Variants in PIK3CB observed in about 807,000 individuals in gnomAD.
PIK3CB encodes the protein phosphatidylinositol-4,5-bisphosphate 3-kinase catalytic subunit beta, also known as phosphatidylinositol 4,5-bisphosphate 3-kinase catalytic subunit beta isoform.
Under a neutral mutation model 136.8 loss-of-function variants are expected in PIK3CB, and 39 were observed. That is an observed-to-expected ratio of 0.29 (90% CI 0.22 to 0.37). The LOEUF is 0.37. Ranked by LOEUF, PIK3CB falls within the 10% of genes least tolerant of loss-of-function variation. The pLI, the probability that PIK3CB is intolerant of heterozygous loss-of-function variation, is 1.00. For synonymous variants in PIK3CB, 428 were observed against 436.6 expected (o/e 0.98, Z 0.25); for missense variants, 868 against 1,275.4 (o/e 0.68, Z 4.87).
chr3:138,689,672 T>C (rs1226792726), intron 15 of PIK3CB, among the ~76,000 whole-genome samples: 2 of 152,244 alleles, frequency 1.3e-5, no homozygotes, highest in East Asian at 3.8e-4. Flanking sequence ...ATTCTATAAT[T>C]AGTTAATACT....
chr3:138,673,181 G>A (rs2043572613), intron 19 of PIK3CB, among the ~76,000 whole-genome samples: 1 of 151,922 alleles, frequency 6.6e-6, no homozygotes, highest in African/African-American at 2.4e-5. Context: ...ATAAAGGAGA[G>A]AACAGGAAAG....
At chr3:138,825,356 C>A (rs1933736744) in intron 1 of PIK3CB, 1 of 536,216 alleles carries the variant, frequency 1.9e-6, no homozygotes, top group Non-Finnish European at 3.4e-6. Context: ...GTCAGCATGC[C>A]CTTCTGGCTT....
chr3:138,704,409 TAAGA>T, intron 12 of PIK3CB, 30 bp downstream of exon 12: 1 of 1,445,916 alleles, frequency 6.9e-7, no homozygotes, highest in Non-Finnish European at 9.7e-7. Context: ...CACAACTCCA[TAAGA>T]AAGGGCCATT....
intron 2 of PIK3CB, among the ~76,000 whole-genome samples, chr3:138,783,310 C>A (rs1294949123): frequency 6.6e-6 from 1 of 150,860 alleles, no homozygotes; most frequent in East Asian, 1.9e-4. Flanking sequence ...GGGACAGAGT[C>A]CCACTCTGCC....
intron 8 of PIK3CB, among the ~76,000 whole-genome samples, chr3:138,733,074 ATTTC>A (rs1311109632): frequency 6.6e-6 from 1 of 150,724 alleles, no homozygotes; most frequent in Non-Finnish European, 1.5e-5. Context: ...TATATTATAT[ATTTC>A]TTCTATATAA....
At chr3:138,828,826 T>A (rs537831873) in intron 1 of PIK3CB, among the ~76,000 whole-genome samples, 1 of 152,246 alleles carries the variant, frequency 6.6e-6, no homozygotes, top group East Asian at 1.9e-4. Flanking sequence ...TTCACTCTTG[T>A]TGCCCAAGCT....
At chr3:138,788,180 C>A (rs1295075310) in intron 2 of PIK3CB, among the ~76,000 whole-genome samples, 1 of 151,744 alleles carries the variant, frequency 6.6e-6, no homozygotes, top group African/African-American at 2.4e-5. Context: ...GCCTTGGCCT[C>A]CCAAAGTACT....
chr3:138,657,931 C>T lies in PIK3CB; in HGVS notation c.2797-96G>A, dbSNP rs75578542. 3.8e-3 allele frequency: 4,515 copies of T among 1,178,708 alleles called. 131 individuals are homozygous for T. The African/African-American group carries it at 0.056, about 15-fold the overall frequency. 73.0% of individuals were successfully genotyped at this position (1,178,708 alleles called of 1,614,324 possible). A position where few individuals can be genotyped will look rare whatever the true frequency, so the allele number is the denominator to read the frequency against. On this transcript the variant is annotated intron_variant, in intron 21 of 23. Transcript: ENST00000674063. ...TAGTCCTAGACCCCCAGGAACTATA[C>T]CCATCCACATCTGAGCCCTTCTCCC...
chr3:138,741,097 C>G (rs1227479101), intron 5 of PIK3CB, among the ~76,000 whole-genome samples: 1 of 152,220 alleles, frequency 6.6e-6, no homozygotes, highest in Non-Finnish European at 1.5e-5. Flanking sequence ...CTCAACGTAT[C>G]TCAGGACAGA....
At chr3:138,692,288 T>C (rs181763041) in intron 14 of PIK3CB, among the ~76,000 whole-genome samples, 1 of 152,278 alleles carries the variant, frequency 6.6e-6, no homozygotes, top group Admixed American at 6.5e-5. Context: ...GGGCACTATA[T>C]ACCAAAACCA....
intron 11 of PIK3CB, among the ~76,000 whole-genome samples, chr3:138,705,199 A>AAAAAAAAAAAAAAAT (rs1559828867): frequency 7.0e-6 from 1 of 143,258 alleles, no homozygotes; most frequent in Non-Finnish European, 1.5e-5. Context: ...ACAAAAAAAA[A>AAAAAAAAAAAAAAAT]AACTTATATT....
chr3:138,821,678 G>C (rs1426296316), intron 1 of PIK3CB, among the ~76,000 whole-genome samples: 1 of 152,044 alleles, frequency 6.6e-6, no homozygotes, highest in African/African-American at 2.4e-5. Flanking sequence ...CCAGCTACTT[G>C]GGAGGCTGAC....
At chr3:138,731,393 C>T (rs2044969128) in intron 8 of PIK3CB, among the ~76,000 whole-genome samples, 1 of 151,934 alleles carries the variant, frequency 6.6e-6, no homozygotes, top group South Asian at 2.1e-4. Context: ...GCTGGGACTA[C>T]AGACATATGC....
At chr3:138,779,784 C>T (rs531741998) in intron 2 of PIK3CB, among the ~76,000 whole-genome samples, 1 of 151,984 alleles carries the variant, frequency 6.6e-6, no homozygotes, top group South Asian at 2.1e-4. Flanking sequence ...CTGCTTCGGC[C>T]TCCCAAAGTG....
At chr3:138,694,721 A>T in intron 14 of PIK3CB, 65 bp downstream of exon 14, 1 of 1,500,526 alleles carries the variant, frequency 6.7e-7, no homozygotes, top group Non-Finnish European at 9.1e-7. Context: ...CATCAAGGAG[A>T]CACCCTCATC....
At chr3:138,689,396 C>T (rs1009629951) in intron 15 of PIK3CB, among the ~76,000 whole-genome samples, 4 of 152,200 alleles carry the variant, frequency 2.6e-5, no homozygotes, top group Admixed American at 1.3e-4. Context: ...TTCATACTTG[C>T]GATTCTCCTG....
intron 2 of PIK3CB, among the ~76,000 whole-genome samples, chr3:138,788,986 A>AAAAAAAAAAAAAAAAAAAAC (rs2046017217): frequency 7.2e-6 from 1 of 139,038 alleles, no homozygotes. Flanking sequence ...AAAAAAAAAA[A>AAAAAAAAAAAAAAAAAAAAC]AAAAAACAAA....
intron 14 of PIK3CB, among the ~76,000 whole-genome samples, chr3:138,694,347 G>A (rs1472094561): frequency 6.6e-6 from 1 of 152,096 alleles, no homozygotes; most frequent in Non-Finnish European, 1.5e-5. Flanking sequence ...TTGCAGACTT[G>A]TATTATCACA....
At chr3:138,823,222 G>A (rs1488481099) in intron 1 of PIK3CB, among the ~76,000 whole-genome samples, 1 of 151,428 alleles carries the variant, frequency 6.6e-6, no homozygotes, top group African/African-American at 2.4e-5. Context: ...AGGAGTTACA[G>A]GCCAGCTGGG....
Sources: allele counts gnomAD v4.1 joint callset (sites outside exome capture counted in the v4.1 genomes callset), GRCh38; gene constraint gnomAD v4.1.1; transcripts MANE v1.5; gene names NCBI Gene and HGNC (gene_info 2026-07-23, HGNC 2026-07-21).